Variants in CCSER1 observed in about 807,000 individuals in gnomAD.
CCSER1 encodes the protein coiled-coil serine rich protein 1, also known as serine-rich coiled-coil domain-containing protein 1.
A neutral mutation model predicts 82.0 loss-of-function variants in CCSER1; 41 were observed. That is an observed-to-expected ratio of 0.50 (90% CI 0.39 to 0.65). The LOEUF (loss-of-function observed/expected upper bound fraction) is 0.65, where lower values mean the gene tolerates loss of function less well. Among genes scored for constraint, CCSER1 ranks in the 30% least tolerant of loss-of-function variants. The pLI is 0.00. For synonymous variants in CCSER1, 414 were observed against 383.9 expected (o/e 1.08, Z -0.92); for missense variants, 1,119 against 1,064.2 (o/e 1.05, Z -0.72).
At chr4:91,116,257 G>A in intron 10 of CCSER1, among the ~76,000 whole-genome samples, 1 of 152,128 alleles carries the variant, frequency 6.6e-6, no homozygotes, top group South Asian at 2.1e-4. Flanking sequence ...AAAATGACGA[G>A]TTCATGTCCT....
At chr4:91,439,805 G>A (rs1326924663) in intron 10 of CCSER1, among the ~76,000 whole-genome samples, 2 of 151,976 alleles carry the variant, frequency 1.3e-5, no homozygotes, top group African/African-American at 4.8e-5. Flanking sequence ...AAAAGGCAGG[G>A]GTTGCAATCC....
chr4:90,635,517 A>T (rs1725266080), intron 6 of CCSER1, among the ~76,000 whole-genome samples: 1 of 151,876 alleles, frequency 6.6e-6, no homozygotes, highest in Non-Finnish European at 1.5e-5. Flanking sequence ...CAATGAGATG[A>T]TGATAATAAT....
Position 91,485,051 on chromosome 4 carries a change from G to C in CCSER1, c.2218-113521G>C, listed in dbSNP as rs893081367. Among the ~76,000 whole-genome samples, 3 of 151,958 alleles carry C rather than the reference G, an allele frequency of 2.0e-5. No individual in the cohort carries two copies. The East Asian group carries it at 5.8e-4, about 29-fold the overall frequency. On this transcript the variant is annotated intron_variant, in intron 10 of 10. Coordinates refer to ENST00000509176, the MANE Select transcript of CCSER1 (RefSeq NM_001145065.2). ...GGCTTGACATCTCAGACTGATCCAAGAGCCCTATACCTAATTTCTCAGCTA... is the reference window on the plus strand; with the variant it reads ...GGCTTGACATCTCAGACTGATCCAACAGCCCTATACCTAATTTCTCAGCTA...
At chr4:90,881,138 C>T (rs1028726091) in intron 8 of CCSER1, among the ~76,000 whole-genome samples, 5 of 151,328 alleles carry the variant, frequency 3.3e-5, no homozygotes, top group Non-Finnish European at 7.4e-5. Flanking sequence ...AAAAAGAAAA[C>T]ATCATGTTTC....
rs529257547 is a variant in CCSER1 at position 90,409,401 on chromosome 4, A to G, written c.1603+9272A>G. ...GAGAGAAAGGTCGGGTTACCCACAA[A>G]GGGAAGCCCATCAGACTAAAAGCTG... On this transcript the variant is annotated intron_variant, in intron 4 of 10. Coordinates refer to ENST00000509176, the MANE Select transcript of CCSER1 (RefSeq NM_001145065.2). Among the ~76,000 whole-genome samples, 10 of 152,374 alleles carry G rather than the reference A, an allele frequency of 6.6e-5. No homozygotes were observed. In the South Asian group the frequency reaches 2.1e-3, roughly 32 times the overall value.
At chr4:90,789,695 C>T (rs62313056) in intron 7 of CCSER1, among the ~76,000 whole-genome samples, 9,446 of 152,224 alleles carry the variant, frequency 0.062, 417 homozygotes, top group Admixed American at 0.11. Context: ...TTCACCTGCA[C>T]TAGCTCTTTC....
intron 5 of CCSER1, among the ~76,000 whole-genome samples, chr4:90,618,852 T>C (rs1661094962): frequency 6.6e-6 from 1 of 151,860 alleles, no homozygotes; most frequent in African/African-American, 2.4e-5. Context: ...AAAAAGCCTT[T>C]ATTTCAAAAA....
chr4:90,729,014 C>T (rs1476541801), intron 7 of CCSER1, among the ~76,000 whole-genome samples: 1 of 152,172 alleles, frequency 6.6e-6, no homozygotes, highest in Non-Finnish European at 1.5e-5. Flanking sequence ...AGGAGGCTGT[C>T]TGGGAGGATC....
intron 10 of CCSER1, among the ~76,000 whole-genome samples, chr4:91,124,235 T>C (rs985439108): frequency 2.6e-5 from 4 of 151,810 alleles, no homozygotes; most frequent in African/African-American, 9.7e-5. Context: ...AAATTTCAAA[T>C]ATTGTCATTA....
chr4:91,412,863 C>G (rs780575532), intron 10 of CCSER1, among the ~76,000 whole-genome samples: 2 of 151,934 alleles, frequency 1.3e-5, no homozygotes, highest in Admixed American at 6.6e-5. Context: ...GCTCCAGGAG[C>G]TAACCCTAAA....
At chr4:90,657,675 T>C (rs1021173112) in intron 6 of CCSER1, among the ~76,000 whole-genome samples, 1 of 152,260 alleles carries the variant, frequency 6.6e-6, no homozygotes, top group African/African-American at 2.4e-5. Context: ...TCTAATAAGA[T>C]TTAAATTTCA....
At chr4:90,283,494 A>T (rs1054271942) in intron 1 of CCSER1, among the ~76,000 whole-genome samples, 2 of 152,082 alleles carry the variant, frequency 1.3e-5, no homozygotes, top group African/African-American at 4.8e-5. Flanking sequence ...AATATTAAAG[A>T]TCTATCATTT....
In CCSER1 at chr4:90,578,796, A is replaced by G. The variant is rs1376031753; in HGVS notation, c.1725-49229A>G. ...AAAATCCTGATATAGACTATCAATA[A>G]ATGGATACTTGCTATTCATTCAATA... On this transcript the variant is annotated intron_variant, in intron 5 of 10. Coordinates refer to ENST00000509176, the MANE Select transcript of CCSER1 (RefSeq NM_001145065.2). Among the ~76,000 whole-genome samples the G allele has an allele frequency of 7.9e-5, 12 of 152,308 alleles. No homozygotes were observed. The South Asian group carries it at 1.5e-3, about 18-fold the overall frequency.
At chr4:90,209,405 G>T (rs1453777280) in intron 1 of CCSER1, among the ~76,000 whole-genome samples, 3 of 152,140 alleles carry the variant, frequency 2.0e-5, no homozygotes, top group Non-Finnish European at 1.5e-5. Flanking sequence ...AGGGCAATCA[G>T]TTCTAAGGTA....
intron 3 of CCSER1, among the ~76,000 whole-genome samples, chr4:90,396,981 G>T (rs1356888011): frequency 6.6e-6 from 1 of 150,664 alleles, no homozygotes; most frequent in African/African-American, 2.5e-5. Context: ...GCTGCTATTG[G>T]TGTCTTTTAG....
chr4:90,507,694 T>G (rs955329399), intron 5 of CCSER1, among the ~76,000 whole-genome samples: 2 of 152,102 alleles, frequency 1.3e-5, no homozygotes, highest in African/African-American at 4.8e-5. Context: ...ACCATTCTTT[T>G]TTAATCAAGG....
intron 5 of CCSER1, among the ~76,000 whole-genome samples, chr4:90,531,464 ATTAG>A (rs770550893): frequency 7.4e-6 from 1 of 134,560 alleles, no homozygotes; most frequent in Non-Finnish European, 1.6e-5. Flanking sequence ...GTGTATTTTT[ATTAG>A]TTTGTGTGAT....
chr4:91,448,993 G>T (rs558449036), intron 10 of CCSER1, among the ~76,000 whole-genome samples: 1 of 152,014 alleles, frequency 6.6e-6, no homozygotes, highest in South Asian at 2.1e-4. Flanking sequence ...TTTTACATGG[G>T]GTGGTCAGGG....
At chr4:91,180,333 A>T (rs1279000505) in intron 10 of CCSER1, among the ~76,000 whole-genome samples, 1 of 152,136 alleles carries the variant, frequency 6.6e-6, no homozygotes, top group Non-Finnish European at 1.5e-5. Flanking sequence ...ACTCTCTTCA[A>T]AGCTGTCAGA....
Sources: allele counts gnomAD v4.1 joint callset (sites outside exome capture counted in the v4.1 genomes callset), GRCh38; gene constraint gnomAD v4.1.1; transcripts MANE v1.5; gene names NCBI Gene and HGNC (gene_info 2026-07-23, HGNC 2026-07-21).